The following SNURF variants were observed in gnomAD, a reference collection of about 807,000 sequenced individuals.
SNURF encodes SNRPN upstream open reading frame, also known as SNURF protein.
A neutral mutation model predicts 11.6 loss-of-function variants in SNURF; 6 were observed. The observed-to-expected ratio is 0.52, with a 90% CI of 0.28 to 1.02. SNURF has a LOEUF of 1.02. Among genes scored for constraint, SNURF ranks in the 50% least tolerant of loss-of-function variants. The probability of loss-of-function intolerance (pLI) is 0.09; values close to 1 mark genes in which losing one functional copy is unlikely to be tolerated. For missense variants in SNURF, 84 were observed against 88.4 expected (o/e 0.95, Z 0.20); for synonymous variants, 29 against 31.6 (o/e 0.92, Z 0.27).
At chr15:24,961,959 G>T (rs1325793917) in intron 1 of SNURF, among the ~76,000 whole-genome samples, 155 bp from the exon 2 acceptor site, 1 of 152,146 alleles carries the variant, frequency 6.6e-6, no homozygotes, top group Non-Finnish European at 1.5e-5. Context: ...GATTATGACT[G>T]TTTGAAGGTT....
At chr15:24,958,386 CTT>C (rs75210247) in intron 1 of SNURF, among the ~76,000 whole-genome samples, 14 of 124,178 alleles carry the variant, frequency 1.1e-4, no homozygotes, top group Admixed American at 1.7e-4. Flanking sequence ...GTCCTGTCTC[CTT>C]TTTTTTTTTT....
rs892416586 is a variant in SNURF at position 24,974,538 on chromosome 15, G to C, written c.*46-820G>C. On this transcript the variant is annotated intron_variant and NMD_transcript_variant, in intron 3 of 6. Transcript: ENST00000580062. ...GTTTGCCAGCATGTGCAGTGATCTT[G>C]GGTTCTGAATGTTAGAAATAAGGAT... The C allele has an allele frequency of 1.8e-5, 24 of 1,329,198 alleles. No homozygotes were observed. In the African/African-American group the frequency reaches 2.6e-4, roughly 14 times the overall value. The allele number at this position is 1,329,198 out of a possible 1,614,324, so 82.3% of individuals were successfully genotyped here.
At chr15:24,977,983 C>G (rs2077259097), downstream of SNURF, 3 of 1,431,694 alleles carry the variant, frequency 2.1e-6, no homozygotes, top group Admixed American at 7.0e-5. Flanking sequence ...TGATTTAAGA[C>G]ACAGCCTGAG....
At chr15:24,977,119 TA>T in intron 6 of SNURF, 1 of 1,053,052 alleles carries the variant, frequency 9.5e-7, no homozygotes, top group Non-Finnish European at 1.3e-6. Flanking sequence ...GTATGTGTCA[TA>T]CAATGTAAAC....
intron 1 of SNURF, among the ~76,000 whole-genome samples, chr15:24,958,137 C>T (rs2063218571): frequency 6.6e-6 from 1 of 152,190 alleles, no homozygotes; most frequent in South Asian, 2.1e-4. Flanking sequence ...ATGTTTTCCA[C>T]ATTTATAGTT....
chr15:24,978,034 C>T, downstream of SNURF: 2 of 1,224,564 alleles, frequency 1.6e-6, no homozygotes, highest in Non-Finnish European at 2.3e-6. Flanking sequence ...CTTCTAGATA[C>T]TGGTTTTTAA....
intron 1 of SNURF, chr15:24,958,892 AT>A (rs559805804): frequency 1.2e-3 from 189 of 153,504 alleles, no homozygotes; most frequent in African/African-American, 4.5e-3. Context: ...CTAACTTTTT[AT>A]TTTTTTGTAG....
chr15:24,963,237 T>G (rs897550846), intron 2 of SNURF, among the ~76,000 whole-genome samples: 3 of 152,238 alleles, frequency 2.0e-5, no homozygotes, highest in Non-Finnish European at 4.4e-5. Context: ...GTGATAACAT[T>G]ATTATTGTAA....
At chr15:24,976,264 C>G in intron 4 of SNURF, 3 of 1,416,992 alleles carry the variant, frequency 2.1e-6, no homozygotes, top group Non-Finnish European at 3.0e-6. Context: ...AGTGAGTGAT[C>G]ACTAAAATTT....
chr15:24,958,456 T>C (rs565637586), intron 1 of SNURF, among the ~76,000 whole-genome samples: 17 of 146,054 alleles, frequency 1.2e-4, no homozygotes, highest in Non-Finnish European at 4.5e-5. Context: ...AGGTAGCCTC[T>C]CTCCATTTCT....
chr15:24,968,118 A>G, exon 3 of SNURF: 1 of 1,244,106 alleles, frequency 8.0e-7, no homozygotes. Flanking sequence ...AGAATAAAGA[A>G]TCATTAAAGA....
At chr15:24,969,799 A>C (rs2076170342), downstream of SNURF, among the ~76,000 whole-genome samples, 2 of 152,204 alleles carry the variant, frequency 1.3e-5, no homozygotes, top group Non-Finnish European at 2.9e-5. Flanking sequence ...CTGTAGAAGA[A>C]GGGTTGGTAA....
intron 1 of SNURF, among the ~76,000 whole-genome samples, chr15:24,961,153 A>G (rs748867308): frequency 5.3e-5 from 8 of 152,208 alleles, no homozygotes; most frequent in Non-Finnish European, 1.2e-4. Flanking sequence ...TGTGTAATCA[A>G]AAGTAATAAA....
At chr15:24,960,469 AGCT>A (rs970349476) in intron 1 of SNURF, among the ~76,000 whole-genome samples, 36 of 151,692 alleles carry the variant, frequency 2.4e-4, no homozygotes, top group African/African-American at 7.2e-4. Context: ...CCTCCTGAGT[AGCT>A]GGTACCACAG....
At chr15:24,971,956 A>G (rs1000039655), downstream of SNURF, among the ~76,000 whole-genome samples, 3 of 152,164 alleles carry the variant, frequency 2.0e-5, no homozygotes, top group Non-Finnish European at 4.4e-5. Flanking sequence ...TTGCAGTGCT[A>G]TAAAAATGGA....
chr15:24,956,340 C>T lies in SNURF; in HGVS notation c.14+1278C>T, dbSNP rs1294847325. Among the ~76,000 whole-genome samples the T allele has an allele frequency of 5.0e-5, 7 of 139,104 alleles. 1 individual carries two copies. The highest frequency in any genetic ancestry group is 4.9e-4 in the Admixed American group (6 of 12,206). 91.3% of individuals were successfully genotyped at this position (139,104 alleles called of 152,430 possible). A position where few individuals can be genotyped will look rare whatever the true frequency, so the allele number is the denominator to read the frequency against. On this transcript the variant is annotated intron_variant, in intron 1 of 2. Transcript: ENST00000577949. ...CCGCCGCTGCAGCGGCTTAGATCTG[C>T]GCAAGCGCTTCAGCGGGGGGGTGGC...
At chr15:24,974,419 T>A in intron 3 of SNURF, 1 of 1,611,530 alleles carries the variant, frequency 6.2e-7, no homozygotes, top group Non-Finnish European at 8.5e-7. Flanking sequence ...CATCAAGTTT[T>A]AACTGTGGAC....
chr15:24,975,293 CAGG>C, intron 3 of SNURF: 4 of 1,299,784 alleles, frequency 3.1e-6, no homozygotes, highest in South Asian at 2.6e-5. Flanking sequence ...GGAGAAGAAA[CAGG>C]AGAAGATTAG....
At chr15:24,963,048 C>T (rs1358406596) in intron 2 of SNURF, among the ~76,000 whole-genome samples, 1 of 152,024 alleles carries the variant, frequency 6.6e-6, no homozygotes, top group Non-Finnish European at 1.5e-5. Flanking sequence ...AAGTAAATAG[C>T]CATCAGACCT....
Sources: gnomAD v4.1 joint callset for allele counts (sites outside exome capture counted in the v4.1 genomes callset) on GRCh38, gnomAD v4.1.1 for gene constraint, MANE v1.5 for transcripts, NCBI Gene and HGNC (gene_info 2026-07-23, HGNC 2026-07-21) for gene names.